Variants in CFAP299 observed in about 807,000 individuals in gnomAD.
CFAP299 encodes cilia- and flagella-associated protein 299.
Under a neutral mutation model 27.0 loss-of-function variants are expected in CFAP299, and 21 were observed. That is an observed-to-expected ratio of 0.78 (90% CI 0.55 to 1.12). CFAP299 has a LOEUF of 1.12. Ranked by LOEUF, CFAP299 falls within the 50% of genes most tolerant of loss-of-function variation. CFAP299 has a pLI of 0.00. For synonymous variants in CFAP299, 104 were observed against 98.1 expected, an observed-to-expected ratio of 1.06 and a Z score of -0.36; for missense variants, 310 against 276.6, an observed-to-expected ratio of 1.12 and a Z score of -0.86.
intron 3 of CFAP299, among the ~76,000 whole-genome samples, chr4:80,756,633 T>C (rs1416920208): frequency 3.3e-5 from 5 of 152,178 alleles, no homozygotes; most frequent in Non-Finnish European, 5.9e-5. Context: ...TCAATGTCCA[T>C]ACATAAAGTA....
chr4:80,640,087 C>T (rs1237872432), intron 3 of CFAP299, among the ~76,000 whole-genome samples: 1 of 152,172 alleles, frequency 6.6e-6, no homozygotes, highest in Non-Finnish European at 1.5e-5. Flanking sequence ...GAATTTTACT[C>T]TTAAAAATGG....
At chr4:80,954,328 A>G (rs892259282) in intron 5 of CFAP299, among the ~76,000 whole-genome samples, 2 of 152,200 alleles carry the variant, frequency 1.3e-5, no homozygotes, top group Non-Finnish European at 2.9e-5. Flanking sequence ...TTTCTCAGCC[A>G]TTCACCACTC....
At chr4:80,371,221 C>T (rs1265627122) in intron 2 of CFAP299, among the ~76,000 whole-genome samples, 2 of 152,190 alleles carry the variant, frequency 1.3e-5, no homozygotes, top group African/African-American at 4.8e-5. Flanking sequence ...GGACTGGTGT[C>T]CTGAAACTGC....
intron 2 of CFAP299, among the ~76,000 whole-genome samples, chr4:80,372,773 C>T (rs1223304766): frequency 6.6e-6 from 1 of 152,144 alleles, no homozygotes; most frequent in Non-Finnish European, 1.5e-5. Flanking sequence ...GCCCAACCAG[C>T]CCAGATTCCA....
intron 5 of CFAP299, among the ~76,000 whole-genome samples, chr4:80,950,246 T>C (rs2110235703): frequency 7.2e-6 from 1 of 138,284 alleles, no homozygotes; most frequent in South Asian, 2.5e-4. Context: ...TCTTTATTCT[T>C]CCCTCCACCC....
intron 3 of CFAP299, among the ~76,000 whole-genome samples, chr4:80,804,375 A>G (rs1365371320): frequency 6.6e-6 from 1 of 152,094 alleles, no homozygotes; most frequent in East Asian, 1.9e-4. Context: ...CATCTGGTAT[A>G]TTTGTCATTT....
chr4:80,381,162 A>C (rs1202609593), intron 2 of CFAP299, among the ~76,000 whole-genome samples: 1 of 152,188 alleles, frequency 6.6e-6, no homozygotes, highest in African/African-American at 2.4e-5. Context: ...TTGTCAAACC[A>C]ATAACAAAAT....
rs566281578 is a variant in CFAP299, at chr4:80,819,200, C to T, written c.334-50793C>T. Among the ~76,000 whole-genome samples the T allele has an allele frequency of 3.6e-4, 55 of 152,136 alleles. 1 individual carries two copies. Among genetic ancestry groups the T allele is most frequent in the African/African-American group, 1.3e-3 (53 of 41,522 alleles). ...GACAGCTTCAAGCAGAGACAATATACTCTGTCAGAGCAACAACAAATTTAG... is the reference window on the plus strand; with the variant it reads ...GACAGCTTCAAGCAGAGACAATATATTCTGTCAGAGCAACAACAAATTTAG... On this transcript the variant is annotated intron_variant, in intron 3 of 5. Coordinates refer to ENST00000358105, the MANE Select transcript of CFAP299 (RefSeq NM_152770.3).
chr4:80,636,284 C>A (rs997304910), intron 3 of CFAP299, among the ~76,000 whole-genome samples: 1 of 152,102 alleles, frequency 6.6e-6, no homozygotes, highest in Non-Finnish European at 1.5e-5. Context: ...TCCTCAGACC[C>A]TTCCTTTTCA....
chr4:80,344,331 C>A (rs1722620794), intron 1 of CFAP299, among the ~76,000 whole-genome samples: 1 of 151,590 alleles, frequency 6.6e-6, no homozygotes, highest in Admixed American at 6.6e-5. Flanking sequence ...TCACCACTGA[C>A]CCCACAAAAA....
intron 3 of CFAP299, among the ~76,000 whole-genome samples, chr4:80,623,372 A>G (rs17004959): frequency 0.058 from 8,799 of 152,242 alleles, 762 homozygotes; most frequent in African/African-American, 0.18. Context: ...AAAATTATGA[A>G]ACAAAAAGGC....
chr4:80,454,194 G>A (rs1279688347), intron 2 of CFAP299, among the ~76,000 whole-genome samples: 6 of 152,106 alleles, frequency 3.9e-5, no homozygotes, highest in African/African-American at 1.4e-4. Context: ...GGGAGGAGGT[G>A]ATCTTCTTTG....
chr4:80,650,996 C>A (rs1190529845), intron 3 of CFAP299, among the ~76,000 whole-genome samples: 3 of 151,694 alleles, frequency 2.0e-5, no homozygotes, highest in Admixed American at 6.6e-5. Context: ...CACCTGTTCT[C>A]CAATAACCTA....
intron 3 of CFAP299, among the ~76,000 whole-genome samples, chr4:80,616,578 T>C (rs1227839868): frequency 2.0e-5 from 3 of 152,168 alleles, no homozygotes; most frequent in South Asian, 2.1e-4. Context: ...AGTAGCTAAG[T>C]TGGGGCAGCC....
At chr4:80,347,808 A>AGCTCACATAG (rs1325751643) in intron 1 of CFAP299, among the ~76,000 whole-genome samples, 1 of 152,194 alleles carries the variant, frequency 6.6e-6, no homozygotes. Flanking sequence ...AACCAAAAAG[A>AGCTCACATAG]GCTCACATAG....
At chr4:80,877,892 T>C (rs921060771) in intron 4 of CFAP299, among the ~76,000 whole-genome samples, 1 of 152,168 alleles carries the variant, frequency 6.6e-6, no homozygotes, top group African/African-American at 2.4e-5. Flanking sequence ...TCTCTTTTGG[T>C]ATTTTGGTGT....
intron 3 of CFAP299, among the ~76,000 whole-genome samples, chr4:80,637,476 G>A (rs1399398236): frequency 2.6e-5 from 4 of 152,058 alleles, no homozygotes; most frequent in Non-Finnish European, 4.4e-5. Flanking sequence ...AGTTGCTATC[G>A]GTGGAACCTT....
intron 2 of CFAP299, among the ~76,000 whole-genome samples, chr4:80,530,630 G>A (rs368095475): frequency 2.0e-5 from 3 of 152,158 alleles, no homozygotes; most frequent in African/African-American, 7.2e-5. Flanking sequence ...AGAGGGGAAG[G>A]AGACAAGAAG....
At chr4:80,416,130 A>G (rs566440286) in intron 2 of CFAP299, among the ~76,000 whole-genome samples, 1 of 152,350 alleles carries the variant, frequency 6.6e-6, no homozygotes, top group South Asian at 2.1e-4. Flanking sequence ...ATTAGTATAC[A>G]TGCTAGAAGA....
Sources: allele counts gnomAD v4.1 joint callset (sites outside exome capture counted in the v4.1 genomes callset), GRCh38; gene constraint gnomAD v4.1.1; transcripts MANE v1.5; gene names NCBI Gene and HGNC (gene_info 2026-07-23, HGNC 2026-07-21).